COL4A1: variants seen among roughly 807,000 people sequenced by gnomAD.
COL4A1 encodes the protein collagen alpha-1(IV) chain.
In COL4A1, 40 loss-of-function variants were observed where a neutral mutation model predicts 216.6. The ratio of observed to expected loss-of-function variants is 0.18; its 90% CI spans 0.14 to 0.24. The LOEUF is 0.24. Ranked by LOEUF, COL4A1 falls within the 10% of genes least tolerant of loss-of-function variation. COL4A1 has a pLI of 1.00. For synonymous variants in COL4A1, 839 were observed against 810.7 expected (o/e 1.03, Z -0.59); for missense variants, 1,628 against 2,196.8 (o/e 0.74, Z 5.18).
intron 2 of COL4A1, among the ~76,000 whole-genome samples, chr13:110,227,243 G>C (rs1880773720): frequency 1.3e-5 from 2 of 152,032 alleles, no homozygotes; most frequent in Non-Finnish European, 1.5e-5. Flanking sequence ...GACCAACTGG[G>C]TTACAGTTTG....
At chr13:110,198,771 C>T (rs764899279) in intron 20 of COL4A1, 140 bp from the exon 21 acceptor site, 5 of 1,040,414 alleles carry the variant, frequency 4.8e-6, no homozygotes, top group South Asian at 1.3e-5. Flanking sequence ...ACATGTAAAA[C>T]CAAATTAAGC....
intron 18 of COL4A1, among the ~76,000 whole-genome samples, chr13:110,202,704 A>G (rs1879304728): frequency 1.3e-5 from 2 of 152,252 alleles, no homozygotes; most frequent in African/African-American, 4.8e-5. Flanking sequence ...ACTCTCTGAT[A>G]GGACACTGAA....
intron 21 of COL4A1, among the ~76,000 whole-genome samples, chr13:110,196,789 T>C (rs1878911863): frequency 6.6e-6 from 1 of 152,236 alleles, no homozygotes; most frequent in South Asian, 2.1e-4. Flanking sequence ...AAGAATGCAG[T>C]GGCAGAACTT....
intron 47 of COL4A1, among the ~76,000 whole-genome samples, chr13:110,162,825 G>A (rs1021664093): frequency 2.6e-5 from 4 of 152,196 alleles, no homozygotes; most frequent in Non-Finnish European, 5.9e-5. Context: ...GGCTCCTGTT[G>A]GGGAGGACTA....
At position 110,200,847 on chromosome 13, in the gene COL4A1, G is replaced by A. The variant is rs1302161928; in HGVS notation, c.1120+7C>T. On this transcript the variant is annotated splice_region_variant and intron_variant, in intron 20 of 51. Coordinates refer to ENST00000375820, the MANE Select transcript of COL4A1 (RefSeq NM_001845.6). ...TATGCTATAACAAATCAGTTAAGGA[G>A]TCTCACCTGGAGGTCCGGGTTGGCC... The A allele has an allele frequency of 3.7e-6, 6 of 1,613,848 alleles. No individual in the cohort carries two copies. Among genetic ancestry groups the A allele is most frequent in the African/African-American group, 1.3e-5 (1 of 74,930 alleles).
intron 2 of COL4A1, among the ~76,000 whole-genome samples, chr13:110,235,465 A>AC (rs1491312378): frequency 2.0e-5 from 3 of 152,122 alleles, no homozygotes; most frequent in Non-Finnish European, 2.9e-5. Context: ...CCTGGCTAAC[A>AC]GGGTGAAACC....
rs757453900 is a variant in COL4A1 at position 110,169,673 on chromosome 13, C to A, written c.3832G>T (p.Gly1278Cys). ...GGGTCTCCCTTGGGCCCTGGGACAC[C>A]GGGTGCTCCTGGCCAGCCTGGATTT... ...KGNPGWPGAP[G>C]VPGPKGDPGF... Residue 1278 changes from glycine to cysteine, a missense_variant, in exon 43 of 52, where the codon GGT (glycine) becomes TGT (cysteine). Coordinates refer to ENST00000375820, the MANE Select transcript of COL4A1 (RefSeq NM_001845.6). 1 of 1,614,142 alleles carries A rather than the reference C, an allele frequency of 6.2e-7. No homozygotes were observed. The highest frequency in any genetic ancestry group is 8.5e-7 in the Non-Finnish European group (1 of 1,180,032).
At chr13:110,178,029 T>G (rs762606863) in intron 32 of COL4A1, 35 bp downstream of exon 32, 3 of 1,614,106 alleles carry the variant, frequency 1.9e-6, no homozygotes, top group East Asian at 2.2e-5. Flanking sequence ...CATGTCTTCA[T>G]GATGGATCCA....
At chr13:110,192,072 C>A in intron 24 of COL4A1, 142 bp downstream of exon 24, 1 of 823,526 alleles carries the variant, frequency 1.2e-6, no homozygotes, top group Non-Finnish European at 2.0e-6. Flanking sequence ...CATGGAGTCA[C>A]TCCAGAGGGC....
intron 49 of COL4A1, among the ~76,000 whole-genome samples, chr13:110,160,437 G>A (rs1386796139): frequency 4.2e-5 from 3 of 71,998 alleles, no homozygotes; most frequent in African/African-American, 1.2e-4. Context: ...GTGACAGAGC[G>A]AGACTCCGTC....
At position 110,212,454 on chromosome 13, in the gene COL4A1, G is replaced by A. The variant is rs1879853020; in HGVS notation, c.350C>T (p.Pro117Leu). ...LPGIPGQDGP[P>L]GPPGIPGCNG... ...GCATCCTGGAATACCTGGGGGGCCT[G>A]GCGGGCCGTCTTGGCCAGGAATTCC... Residue 117 changes from proline to leucine, a missense_variant, in exon 6 of 52, where the codon CCA becomes CTA. Pro to Leu is a moderately conservative substitution (Grantham distance 98, BLOSUM62 -3). This residue lies in a region of COL4A1 where 150 missense variants were observed against 211.9 expected (regional missense o/e 0.71). Coordinates refer to ENST00000375820, the MANE Select transcript of COL4A1 (RefSeq NM_001845.6). 1.2e-6 allele frequency: 2 copies of A among 1,614,100 alleles called. No individual in the cohort carries two copies. Among genetic ancestry groups the A allele is most frequent in the Non-Finnish European group, 1.7e-6 (2 of 1,180,038 alleles).
chr13:110,232,992 C>T (rs531387197), intron 2 of COL4A1, among the ~76,000 whole-genome samples: 17 of 152,192 alleles, frequency 1.1e-4, no homozygotes, highest in African/African-American at 3.6e-4. Flanking sequence ...TCTCCCTGTT[C>T]GGGAACGGGA....
rs904749668 is a variant in COL4A1, at chr13:110,288,277, T to A, written c.84+18667A>T. Among the ~76,000 whole-genome samples, 502 of 134,978 alleles carry A rather than the reference T, an allele frequency of 3.7e-3. 1 individual carries two copies. Among genetic ancestry groups the A allele is most frequent in the Admixed American group, 4.8e-3 (64 of 13,340 alleles). 88.6% of individuals were successfully genotyped at this position (134,978 alleles called of 152,430 possible). Reference sequence around the variant, plus strand: ...AACTCCCTCTCAAAAAAAAAAAAAATAATAATAATAATAATAATAATTAAG... The same window carrying A: ...AACTCCCTCTCAAAAAAAAAAAAAAAAATAATAATAATAATAATAATTAAG... On this transcript the variant is annotated intron_variant, in intron 1 of 51. Transcript: ENST00000375820.
At chr13:110,267,055 G>A (rs2139284693) in intron 1 of COL4A1, among the ~76,000 whole-genome samples, 1 of 152,334 alleles carries the variant, frequency 6.6e-6, no homozygotes, top group Non-Finnish European at 1.5e-5. Context: ...CAAATGTGAA[G>A]CAAGCCTTTT....
chr13:110,165,682 GA>G (rs1490027299), intron 45 of COL4A1, among the ~76,000 whole-genome samples: 2 of 151,882 alleles, frequency 1.3e-5, no homozygotes, highest in Non-Finnish European at 2.9e-5. Flanking sequence ...ACATGGTTTG[GA>G]AAATTAAATG....
At chr13:110,306,745 AC>A in intron 1 of COL4A1, among the ~76,000 whole-genome samples, 198 bp downstream of exon 1, 1 of 152,240 alleles carries the variant, frequency 6.6e-6, no homozygotes, top group East Asian at 1.9e-4. Context: ...CCATACCATA[AC>A]AAAGGAGGCT....
chr13:110,200,900 A>G lies in COL4A1; in HGVS notation c.1085-11T>C. 6.2e-7 allele frequency: 1 copy of G among 1,614,002 alleles called. No homozygotes were observed. Among genetic ancestry groups the G allele is most frequent in the Non-Finnish European group, 8.5e-7 (1 of 1,179,918 alleles). On this transcript the variant is annotated splice_polypyrimidine_tract_variant and intron_variant, in intron 19 of 51. Coordinates refer to ENST00000375820, the MANE Select transcript of COL4A1 (RefSeq NM_001845.6). The stretch of plus-strand genomic sequence containing the variant: ...GTAGTCCTGGGAAACCTGAAAAGAG[A>G]AAGAGAGTGTTGGATCAAACAGAAC...
At chr13:110,237,428 T>G (rs897556038) in intron 2 of COL4A1, among the ~76,000 whole-genome samples, 2 of 152,108 alleles carry the variant, frequency 1.3e-5, no homozygotes, top group African/African-American at 2.4e-5. Context: ...TGGAGATATA[T>G]TTATGTCACG....
intron 22 of COL4A1, among the ~76,000 whole-genome samples, chr13:110,194,096 C>T (rs945611252): frequency 2.0e-5 from 3 of 152,144 alleles, no homozygotes; most frequent in Non-Finnish European, 4.4e-5. Context: ...AAGTACTGAG[C>T]GCCTGGTAAC....
Sources: gnomAD v4.1 joint callset for allele counts (sites outside exome capture counted in the v4.1 genomes callset) on GRCh38, gnomAD v4.1.1 for gene constraint, gnomAD v4.1.1 regional missense constraint, MANE v1.5 for transcripts, NCBI Gene and HGNC (gene_info 2026-07-23, HGNC 2026-07-21) for gene names.